NBR1: variants seen among roughly 807,000 people sequenced by gnomAD.
NBR1 encodes next to BRCA1 gene 1 protein.
NBR1 carries 59 observed loss-of-function variants against 115.5 expected under a neutral mutation model. The observed-to-expected ratio is 0.51, with a 90% confidence interval of 0.41 to 0.63. NBR1 has a LOEUF of 0.63. Ranked by LOEUF, NBR1 falls within the 30% of genes least tolerant of loss-of-function variation. NBR1 has a pLI of 0.00. For synonymous variants in NBR1, 373 were observed against 414.7 expected, an observed-to-expected ratio of 0.90 and a Z score of 1.22; for missense variants, 1,043 against 1,150.5, an observed-to-expected ratio of 0.91 and a Z score of 1.35.
chr17:43,202,569 C>A, intron 18 of NBR1, 86 bp from the exon 19 acceptor site: 1 of 883,776 alleles, frequency 1.1e-6, no homozygotes, highest in Non-Finnish European at 1.7e-6. Context: ...AGATTGCCAC[C>A]TGCCTCAATA....
chr17:43,175,631 T>C (rs2271574), intron 1 of NBR1, among the ~76,000 whole-genome samples, 160 bp from the exon 2 acceptor site: 48,209 of 149,962 alleles, frequency 0.32, 7,979 homozygotes, highest in South Asian at 0.5. Context: ...ATGGTAAGTT[T>C]CGTAAGAACA....
Position 43,193,175 on chromosome 17 carries a change from C to G in NBR1, c.1155C>G (p.His385Gln). 6.2e-7 allele frequency: 1 copy of G among 1,613,914 alleles called. No homozygotes were observed. The highest frequency in any genetic ancestry group is 8.5e-7 in the Non-Finnish European group (1 of 1,179,866). Residue 385 changes from histidine (H) to glutamine (Q), a missense_variant, in exon 11 of 21, where the codon CAC (histidine) becomes CAG (glutamine). Transcript: ENST00000590996. ...FVDENLPDGT[H>Q]LQPGTKFIKH... ...ATGAGAATTTGCCTGATGGGACTCA[C>G]CTTCAGCCAGGAACCAAGTTTATCA...
intron 6 of NBR1, among the ~76,000 whole-genome samples, chr17:43,188,779 T>C (rs895644310): frequency 3.9e-5 from 6 of 152,200 alleles, no homozygotes; most frequent in African/African-American, 1.4e-4. Context: ...ATTGTCTTTG[T>C]TGTAAGATTT....
intron 20 of NBR1, among the ~76,000 whole-genome samples, chr17:43,206,755 T>C (rs2057326059): frequency 1.3e-5 from 2 of 151,250 alleles, no homozygotes; most frequent in South Asian, 4.2e-4. Context: ...TTTGAGATGA[T>C]GATTAAGTGG....
Position 43,210,169 on chromosome 17 carries a change from C to A in NBR1, c.*95C>A. ...ATAGAAGCCCTTGCTTATTTTTAAT[C>A]TGATGAATCTGTATAGAGCCCATCG... On this transcript the variant is annotated 3_prime_UTR_variant, in exon 21 of 21. Coordinates refer to ENST00000590996, the MANE Select transcript of NBR1 (RefSeq NM_005899.5). 1 of 1,234,612 alleles carries A rather than the reference C, an allele frequency of 8.1e-7. No homozygotes were observed. Among genetic ancestry groups the A allele is most frequent in the Non-Finnish European group, 1.1e-6 (1 of 894,996 alleles). 76.5% of individuals were successfully genotyped at this position (1,234,612 alleles called of 1,614,324 possible).
At chr17:43,201,646 G>A (rs548862363) in intron 17 of NBR1, 40 bp from the exon 18 acceptor site, 3 of 1,214,776 alleles carry the variant, frequency 2.5e-6, no homozygotes, top group East Asian at 2.3e-5. Context: ...TGCCATAAGT[G>A]CCTTTTCAAT....
At chr17:43,203,436 A>G (rs2057246306) in intron 19 of NBR1, among the ~76,000 whole-genome samples, 1 of 152,176 alleles carries the variant, frequency 6.6e-6, no homozygotes, top group Admixed American at 6.5e-5. Context: ...AGTGAGAGCC[A>G]TCATGGTTAC....
chr17:43,200,855 A>G (rs928499404), intron 17 of NBR1, among the ~76,000 whole-genome samples: 13 of 148,700 alleles, frequency 8.7e-5, no homozygotes, highest in Non-Finnish European at 1.9e-4. Context: ...TTGATTATTG[A>G]GAGCTGGTTG....
At chr17:43,179,488 C>A in intron 4 of NBR1, 76 bp downstream of exon 4, 1 of 1,334,934 alleles carries the variant, frequency 7.5e-7, no homozygotes, top group South Asian at 1.2e-5. Flanking sequence ...TATTTATACT[C>A]AAACCTTATT....
intron 16 of NBR1, among the ~76,000 whole-genome samples, chr17:43,198,050 C>T (rs2057108706): frequency 6.6e-6 from 1 of 151,790 alleles, no homozygotes; most frequent in African/African-American, 2.4e-5. Context: ...TGCCTGTAAT[C>T]CCAGGTACTT....
intron 5 of NBR1, among the ~76,000 whole-genome samples, chr17:43,181,656 T>C (rs1476618077): frequency 6.9e-6 from 1 of 145,308 alleles, no homozygotes; most frequent in African/African-American, 2.6e-5. Flanking sequence ...ACAGTGAGAC[T>C]CTGTCTCAAA....
Position 43,180,346 on chromosome 17 carries a change from G to A in NBR1, c.185-449G>A, listed in dbSNP as rs147760704. Among the ~76,000 whole-genome samples the A allele has an allele frequency of 1.2e-3, 185 of 152,248 alleles. 1 individual carries two copies. The highest frequency in any genetic ancestry group is 3.9e-3 in the African/African-American group (160 of 41,532). On this transcript the variant is annotated intron_variant, in intron 4 of 20. Transcript: ENST00000590996. Reference sequence around the variant, plus strand: ...GCGAACCTGTAGAGCATGTTACTGTGCTGTATACTATAGACAGTTGAAACA... The same window carrying A: ...GCGAACCTGTAGAGCATGTTACTGTACTGTATACTATAGACAGTTGAAACA...
At position 43,176,078 on chromosome 17, in the gene NBR1, A is replaced by G. The variant is rs4239149; in HGVS notation, c.102+177A>G. 0.58 allele frequency: 268,576 copies of G among 460,646 alleles called. 83,959 individuals carry two copies. The highest frequency in any genetic ancestry group is 0.66 in the Non-Finnish European group (168,077 of 256,006). 28.5% of individuals were successfully genotyped at this position (460,646 alleles called of 1,614,324 possible). The stretch of plus-strand genomic sequence containing the variant: ...GTATTCATATATGAGATGTGCCCCA[A>G]TAAAGGGAACCAACACATAAATTTC... On this transcript the variant is annotated intron_variant, in intron 2 of 20. Transcript: ENST00000590996.
At chr17:43,175,741 C>A in intron 1 of NBR1, 50 bp from the exon 2 acceptor site, 2 of 839,716 alleles carry the variant, frequency 2.4e-6, no homozygotes, top group Non-Finnish European at 3.8e-6. Flanking sequence ...ACTTATAGAA[C>A]CCTTTCTAAT....
chr17:43,199,082 G>A (rs35837289), intron 16 of NBR1, among the ~76,000 whole-genome samples: 45,650 of 151,136 alleles, frequency 0.3, 7,449 homozygotes, highest in South Asian at 0.49. Flanking sequence ...TAGGATTTAT[G>A]GGTAATTTTT....
intron 20 of NBR1, among the ~76,000 whole-genome samples, 159 bp downstream of exon 20, chr17:43,203,945 T>C (rs1382226793): frequency 2.0e-5 from 3 of 151,866 alleles, no homozygotes; most frequent in Admixed American, 6.6e-5. Flanking sequence ...CCACTTTTTT[T>C]TTTTTTTTTT....
intron 10 of NBR1, 95 bp downstream of exon 10, chr17:43,191,676 T>C: frequency 1.3e-6 from 1 of 766,156 alleles, no homozygotes; most frequent in Non-Finnish European, 2.1e-6. Flanking sequence ...TGGTAGCCCT[T>C]AACACCTAAA....
rs542810731 is a variant in NBR1, at chr17:43,172,437, T to G, written c.-10+1135T>G. On this transcript the variant is annotated intron_variant, in intron 1 of 20. Transcript: ENST00000590996. ...GAAAAAGAGAGGAAGATTCATTTCC[T>G]TCACAAGTAGGGAAGTGTGTTTCTT... 3.3e-5 allele frequency among the ~76,000 whole-genome samples: 5 copies of G among 152,320 alleles called. No individual in the cohort carries two copies. The South Asian group carries it at 8.3e-4, about 25-fold the overall frequency.
intron 8 of NBR1, 56 bp downstream of exon 8, chr17:43,189,858 C>A: frequency 6.8e-7 from 1 of 1,464,480 alleles, no homozygotes; most frequent in South Asian, 1.1e-5. Context: ...CTTTTACCTC[C>A]CTGGCTTTCT....
Sources: allele counts gnomAD v4.1 joint callset (sites outside exome capture counted in the v4.1 genomes callset), GRCh38; gene constraint gnomAD v4.1.1; transcripts MANE v1.5; gene names NCBI Gene and HGNC (gene_info 2026-07-23, HGNC 2026-07-21).